The following TBC1D32 variants were observed in gnomAD, a reference collection of about 807,000 sequenced individuals.
TBC1D32 encodes the protein TBC1 domain family member 32.
Under a neutral mutation model 170.3 loss-of-function variants are expected in TBC1D32, and 151 were observed. That is an observed-to-expected ratio of 0.89 (90% CI 0.78 to 1.01). The LOEUF is 1.01. TBC1D32 is among the 50% of genes least tolerant of loss of function. The probability of loss-of-function intolerance (pLI) is 0.00; values close to 1 mark genes in which losing one functional copy is unlikely to be tolerated. For synonymous variants in TBC1D32, 498 were observed against 488.0 expected (o/e 1.02, Z -0.27); for missense variants, 1,464 against 1,457.1 (o/e 1.00, Z -0.08).
At chr6:121,134,927 A>C (rs1781868816) in intron 24 of TBC1D32, among the ~76,000 whole-genome samples, 1 of 151,908 alleles carries the variant, frequency 6.6e-6, no homozygotes, top group African/African-American at 2.4e-5. Context: ...GAATACCATA[A>C]ATCTATTCAG....
At chr6:121,146,421 A>C (rs1272348912) in intron 24 of TBC1D32, among the ~76,000 whole-genome samples, 1 of 152,224 alleles carries the variant, frequency 6.6e-6, no homozygotes, top group Non-Finnish European at 1.5e-5. Context: ...GCACCGATGT[A>C]GTTAAGTGAG....
intron 22 of TBC1D32, 142 bp from the exon 23 acceptor site, chr6:121,161,198 A>G (rs1481231887): frequency 1.4e-6 from 1 of 695,182 alleles, no homozygotes; most frequent in East Asian, 2.8e-5. Context: ...TAGCATTTAT[A>G]TAATTTTATT....
intron 22 of TBC1D32, among the ~76,000 whole-genome samples, chr6:121,174,514 A>G (rs1162615864): frequency 6.6e-6 from 1 of 152,192 alleles, no homozygotes; most frequent in Non-Finnish European, 1.5e-5. Flanking sequence ...CCAAGTTACT[A>G]CAAGAGTGGG....
intron 24 of TBC1D32, among the ~76,000 whole-genome samples, chr6:121,148,944 C>A (rs1371816285): frequency 6.6e-6 from 1 of 152,174 alleles, no homozygotes; most frequent in Admixed American, 6.5e-5. Context: ...TTAATGATCA[C>A]CATTCTAACA....
intron 17 of TBC1D32, among the ~76,000 whole-genome samples, chr6:121,255,074 C>A (rs1044073904): frequency 6.6e-6 from 1 of 151,852 alleles, no homozygotes; most frequent in South Asian, 2.1e-4. Flanking sequence ...TCTGGAAACA[C>A]GATAATATCA....
At chr6:121,119,858 T>C (rs1780074694) in intron 26 of TBC1D32, among the ~76,000 whole-genome samples, 1 of 152,104 alleles carries the variant, frequency 6.6e-6, no homozygotes, top group Admixed American at 6.6e-5. Flanking sequence ...TAATTTCAAC[T>C]ACCTTAGGGT....
chr6:121,191,988 T>C (rs1469169413), intron 22 of TBC1D32, among the ~76,000 whole-genome samples: 1 of 151,326 alleles, frequency 6.6e-6, no homozygotes, highest in Non-Finnish European at 1.5e-5. Flanking sequence ...TTGGACTGGC[T>C]CTCCTTGCTC....
intron 2 of TBC1D32, among the ~76,000 whole-genome samples, chr6:121,319,798 T>C (rs1809445912): frequency 6.6e-6 from 1 of 152,142 alleles, no homozygotes; most frequent in Admixed American, 6.6e-5. Context: ...AAAAATAATG[T>C]CATATCATCA....
intron 25 of TBC1D32, among the ~76,000 whole-genome samples, chr6:121,129,068 C>T (rs758551226): frequency 1.3e-5 from 2 of 152,102 alleles, no homozygotes; most frequent in African/African-American, 4.8e-5. Context: ...CTGCTCTTGC[C>T]TTGATCTTGG....
At chr6:121,251,899 C>T (rs1266725153) in intron 17 of TBC1D32, among the ~76,000 whole-genome samples, 1 of 152,102 alleles carries the variant, frequency 6.6e-6, no homozygotes, top group African/African-American at 2.4e-5. Flanking sequence ...AGGATATGAA[C>T]AGACACTTCT....
chr6:121,199,552 ATTAG>A (rs1407950282), intron 22 of TBC1D32, among the ~76,000 whole-genome samples: 1 of 151,330 alleles, frequency 6.6e-6, no homozygotes, highest in Non-Finnish European at 1.5e-5. Flanking sequence ...AGAATTTTGA[ATTAG>A]TTACTGTCTT....
intron 12 of TBC1D32, among the ~76,000 whole-genome samples, chr6:121,289,328 TAC>T: frequency 6.6e-6 from 1 of 152,128 alleles, no homozygotes; most frequent in African/African-American, 2.4e-5. Context: ...AAAATCAATG[TAC>T]AAAAATCACA....
chr6:121,321,192 T>C (rs1287851343), intron 2 of TBC1D32, among the ~76,000 whole-genome samples: 1 of 152,236 alleles, frequency 6.6e-6, no homozygotes, highest in Non-Finnish European at 1.5e-5. Flanking sequence ...CTTAACTGTT[T>C]ATATCAATTA....
chr6:121,176,055 C>A (rs1787720923), intron 22 of TBC1D32, among the ~76,000 whole-genome samples: 1 of 152,084 alleles, frequency 6.6e-6, no homozygotes, highest in Non-Finnish European at 1.5e-5. Context: ...ATATCCCAGT[C>A]TTTATGGAAC....
intron 18 of TBC1D32, 84 bp downstream of exon 18, chr6:121,242,117 C>A: frequency 7.1e-7 from 1 of 1,408,346 alleles, no homozygotes; most frequent in Middle Eastern, 2.5e-4. Context: ...ATAACTTCTT[C>A]ATACACAGAA....
chr6:121,202,932 A>C (rs1158874601), intron 22 of TBC1D32, among the ~76,000 whole-genome samples: 1 of 151,482 alleles, frequency 6.6e-6, no homozygotes, highest in Admixed American at 6.6e-5. Context: ...AGTTGTACCA[A>C]GCATTACACT....
intron 3 of TBC1D32, among the ~76,000 whole-genome samples, chr6:121,311,637 A>G (rs1340959920): frequency 6.6e-6 from 1 of 151,868 alleles, no homozygotes; most frequent in Non-Finnish European, 1.5e-5. Flanking sequence ...CCGAGGCAGG[A>G]GAATCACTTG....
chr6:121,273,242 A>C (rs902126490), intron 15 of TBC1D32, among the ~76,000 whole-genome samples: 6 of 151,800 alleles, frequency 4.0e-5, no homozygotes, highest in African/African-American at 1.5e-4. Flanking sequence ...CATGTACCCT[A>C]GAACTTAAAG....
intron 12 of TBC1D32, among the ~76,000 whole-genome samples, chr6:121,286,556 G>A (rs1310995710): frequency 6.6e-6 from 1 of 152,096 alleles, no homozygotes; most frequent in African/African-American, 2.4e-5. Context: ...GGGGAGAATG[G>A]AACCAAGTTG....
Sources: gnomAD v4.1 joint callset for allele counts (sites outside exome capture counted in the v4.1 genomes callset) on GRCh38, gnomAD v4.1.1 for gene constraint, MANE v1.5 for transcripts, NCBI Gene and HGNC (gene_info 2026-07-23, HGNC 2026-07-21) for gene names.